The following PPP2R1B variants were observed in gnomAD, a reference collection of about 807,000 sequenced individuals.
The protein encoded by PPP2R1B is serine/threonine-protein phosphatase 2A 65 kDa regulatory subunit A beta isoform.
Under a neutral mutation model 72.7 loss-of-function variants are expected in PPP2R1B, and 58 were observed. The observed-to-expected ratio is 0.80, with a 90% CI of 0.65 to 0.99. PPP2R1B has a LOEUF of 0.99. Among genes scored for constraint, PPP2R1B ranks in the 50% least tolerant of loss-of-function variants. The pLI is 0.00. For synonymous variants in PPP2R1B, 256 were observed against 264.6 expected (o/e 0.97, Z 0.32); for missense variants, 695 against 733.6 (o/e 0.95, Z 0.61).
At chr11:111,723,839 C>A (rs1275726504), downstream of PPP2R1B, 1 of 1,613,660 alleles carries the variant, frequency 6.2e-7, no homozygotes, top group East Asian at 2.2e-5. Context: ...ACCCCCTCCA[C>A]CACCACGACA....
chr11:111,755,543 A>C (rs1591701833), intron 5 of PPP2R1B, 93 bp from the exon 6 acceptor site: 4 of 1,154,064 alleles, frequency 3.5e-6, no homozygotes, highest in South Asian at 1.7e-5. Flanking sequence ...AATTAACACC[A>C]CCAAGACTGC....
chr11:111,737,469 C>A, downstream of PPP2R1B: 1 of 1,614,266 alleles, frequency 6.2e-7, no homozygotes, highest in Non-Finnish European at 8.5e-7. Context: ...CCTCTCCAGG[C>A]ACTGTGGGTC....
At chr11:111,705,557 T>C in the PPP2R1B span, among the ~76,000 whole-genome samples, 1 of 151,976 alleles carries the variant, frequency 6.6e-6, no homozygotes, top group Non-Finnish European at 1.5e-5. The surrounding 1 kb of genome is among the most constrained non-coding windows in gnomAD (Gnocchi z 4.3). Context: ...TCATTCAAAA[T>C]AGGGAAAGAT....
rs189367503 is a variant in PPP2R1B, at chr11:111,751,006, T to C, written c.1338+1153A>G. On this transcript the variant is annotated intron_variant, in intron 10 of 14. Transcript: ENST00000527614. ...GGTGTGCACCTCCGTGCCCAGCTAA[T>C]TTTTGTATTTTTAGTAGAGATGGGG... Among the ~76,000 whole-genome samples the C allele has an allele frequency of 1.9e-3, 282 of 152,270 alleles. 3 individuals are homozygous for C. The highest frequency in any genetic ancestry group is 7.1e-3 in the South Asian group (34 of 4,820).
the PPP2R1B span, among the ~76,000 whole-genome samples, chr11:111,717,317 CAAAAAAAA>C: frequency 2.2e-4 from 11 of 49,464 alleles, no homozygotes; most frequent in African/African-American, 4.4e-4. Flanking sequence ...GACTCCGTCT[CAAAAAAAA>C]AAAAAAAAAA....
At chr11:111,701,037 A>G in the PPP2R1B span, 366 of 1,611,168 alleles carry the variant, frequency 2.3e-4, no homozygotes, top group Non-Finnish European at 3.0e-4. The surrounding 1 kb of genome is among the most constrained non-coding windows in gnomAD (Gnocchi z 4.2). Context: ...CTGTGTTGTT[A>G]AATGCATCTA....
chr11:111,709,620 A>G, the PPP2R1B span, among the ~76,000 whole-genome samples: 2 of 152,176 alleles, frequency 1.3e-5, no homozygotes, highest in Non-Finnish European at 2.9e-5. Context: ...TGGGATATTG[A>G]CCATCTATTT....
chr11:111,753,971 C>T (rs1382645184), intron 8 of PPP2R1B, among the ~76,000 whole-genome samples: 1 of 151,780 alleles, frequency 6.6e-6, no homozygotes, highest in Non-Finnish European at 1.5e-5. Context: ...GGCTGGAGTA[C>T]AGTGGCATGA....
chr11:111,740,900 A>T lies in PPP2R1B; in HGVS notation c.*696T>A. 1 of 985,472 alleles carries T rather than the reference A, an allele frequency of 1.0e-6. No individual in the cohort carries two copies. The highest frequency in any genetic ancestry group is 1.2e-6 in the Non-Finnish European group (1 of 829,944). The allele number at this position is 985,472 out of a possible 1,614,324, so 61.0% of individuals were successfully genotyped here. A position where few individuals can be genotyped will look rare whatever the true frequency, so the allele number is the denominator to read the frequency against. On this transcript the variant is annotated 3_prime_UTR_variant, in exon 15 of 15. Coordinates refer to ENST00000527614, the MANE Select transcript of PPP2R1B (RefSeq NM_002716.5). ...GAGAAGTATTTTTAAATGTAGGCAC[A>T]GTGGTGAGCTGTTCAAATTCAGTTA...
intron 15 of PPP2R1B, among the ~76,000 whole-genome samples, chr11:111,731,081 G>A (rs918580962): frequency 5.9e-5 from 9 of 152,364 alleles, no homozygotes; most frequent in African/African-American, 1.7e-4. Context: ...GATCGCTGAC[G>A]GAAGCACTGC....
intron 5 of PPP2R1B, among the ~76,000 whole-genome samples, chr11:111,759,499 C>T (rs1565473616): frequency 1.3e-5 from 2 of 152,202 alleles, no homozygotes; most frequent in South Asian, 2.1e-4. Context: ...TACAATACAG[C>T]CAGCAATTCC....
downstream of PPP2R1B, chr11:111,722,074 C>G (rs1398558194): frequency 3.4e-6 from 2 of 590,096 alleles, no homozygotes; most frequent in African/African-American, 1.9e-5. The surrounding 1 kb of genome is among the most constrained non-coding windows in gnomAD (Gnocchi z 4.4). Flanking sequence ...AGCTTTGACT[C>G]TGTACTTGGA....
chr11:111,723,432 T>C, downstream of PPP2R1B: 1 of 1,502,626 alleles, frequency 6.7e-7, no homozygotes, highest in Non-Finnish European at 9.0e-7. Context: ...GGTATTGCAT[T>C]TACATTAAAA....
At chr11:111,747,083 G>A (rs1365273065) in intron 11 of PPP2R1B, among the ~76,000 whole-genome samples, 1 of 152,046 alleles carries the variant, frequency 6.6e-6, no homozygotes, top group Non-Finnish European at 1.5e-5. Context: ...CATATATCAA[G>A]TATATAAAAG....
At chr11:111,703,892 G>A in the PPP2R1B span, among the ~76,000 whole-genome samples, 2 of 152,150 alleles carry the variant, frequency 1.3e-5, no homozygotes, top group Non-Finnish European at 2.9e-5. Flanking sequence ...TGATTTGGAA[G>A]TATTAGGGGT....
chr11:111,714,695 G>T, the PPP2R1B span, among the ~76,000 whole-genome samples: 1 of 152,214 alleles, frequency 6.6e-6, no homozygotes, highest in Admixed American at 6.5e-5. Flanking sequence ...AGGCAGGGCA[G>T]ATTCAAGAAG....
the PPP2R1B span, among the ~76,000 whole-genome samples, chr11:111,718,148 G>C: frequency 1.3e-5 from 2 of 152,286 alleles, no homozygotes; most frequent in African/African-American, 4.8e-5. Flanking sequence ...GACGGAGGCC[G>C]TAAGTGTAAG....
At chr11:111,765,694 G>A in intron 1 of PPP2R1B, 1 of 503,876 alleles carries the variant, frequency 2.0e-6, no homozygotes, top group Middle Eastern at 3.0e-4. Flanking sequence ...TGGTGAAGCA[G>A]GTGAAACGGT....
In PPP2R1B at chr11:111,738,395, C is replaced by T. The variant is rs757847860; in HGVS notation, c.*3201G>A. 39 of 985,370 alleles carry T rather than the reference C, an allele frequency of 4.0e-5. No homozygotes were observed. Among genetic ancestry groups the T allele is most frequent in the Middle Eastern group, 5.2e-4 (1 of 1,936 alleles). The allele number at this position is 985,370 out of a possible 1,614,324, so 61.0% of individuals were successfully genotyped here. Reference sequence around the variant, plus strand: ...CGCCACAGGGACAGAGCCAATGTGACGTCTAAGGGCAAGCCCCAGCCTTTC... The same window carrying T: ...CGCCACAGGGACAGAGCCAATGTGATGTCTAAGGGCAAGCCCCAGCCTTTC... On this transcript the variant is annotated 3_prime_UTR_variant, in exon 15 of 15. Transcript: ENST00000527614.
Sources: gnomAD v4.1 joint callset for allele counts (sites outside exome capture counted in the v4.1 genomes callset) on GRCh38, gnomAD v4.1.1 for gene constraint, Gnocchi (gnomAD v3.1) non-coding constraint, MANE v1.5 for transcripts, NCBI Gene and HGNC (gene_info 2026-07-23, HGNC 2026-07-21) for gene names.